The following CTNND2 variants were observed in gnomAD, a reference collection of about 807,000 sequenced individuals.
The protein encoded by CTNND2 is catenin delta 2.
In CTNND2, 22 loss-of-function variants were observed where a neutral mutation model predicts 144.4. The ratio of observed to expected loss-of-function variants is 0.15; its 90% CI spans 0.11 to 0.22. CTNND2 has a LOEUF of 0.22. CTNND2 is among the 10% of genes least tolerant of loss of function. The probability of loss-of-function intolerance (pLI) is 1.00; values close to 1 mark genes in which losing one functional copy is unlikely to be tolerated. For synonymous variants in CTNND2, 751 were observed against 695.6 expected, an observed-to-expected ratio of 1.08 and a Z score of -1.25; for missense variants, 1,353 against 1,618.8, an observed-to-expected ratio of 0.84 and a Z score of 2.82.
chr5:11,300,089 C>T (rs1321654165), intron 9 of CTNND2, among the ~76,000 whole-genome samples: 2 of 152,188 alleles, frequency 1.3e-5, no homozygotes, highest in Non-Finnish European at 2.9e-5. Flanking sequence ...TGCAGGGACT[C>T]CATTTCAGGA....
intron 9 of CTNND2, among the ~76,000 whole-genome samples, chr5:11,324,261 A>C (rs989886969): frequency 1.3e-5 from 2 of 152,166 alleles, no homozygotes; most frequent in African/African-American, 4.8e-5. Flanking sequence ...ACGAGCCAAA[A>C]CAATTAGAAA....
At chr5:11,607,052 T>C (rs10065375) in intron 2 of CTNND2, among the ~76,000 whole-genome samples, 75,437 of 152,028 alleles carry the variant, frequency 0.5, 19,563 homozygotes, top group Middle Eastern at 0.7. Context: ...AAGAATGTTA[T>C]ATGAAGATGA....
intron 3 of CTNND2, among the ~76,000 whole-genome samples, chr5:11,426,153 T>C (rs1219408291): frequency 6.6e-6 from 1 of 152,182 alleles, no homozygotes; most frequent in Non-Finnish European, 1.5e-5. Flanking sequence ...TCTCCTCCAC[T>C]ACCAAACCGC....
intron 10 of CTNND2, among the ~76,000 whole-genome samples, chr5:11,205,964 T>C (rs1386304790): frequency 1.3e-5 from 2 of 152,210 alleles, no homozygotes; most frequent in African/African-American, 4.8e-5. Context: ...ATGAACAAAG[T>C]GTGAACCTAC....
chr5:11,868,386 C>A (rs926009595), intron 1 of CTNND2, among the ~76,000 whole-genome samples: 6 of 152,114 alleles, frequency 3.9e-5, no homozygotes, highest in Admixed American at 3.9e-4. Flanking sequence ...AGGTATGAAA[C>A]CCACTGAAAG....
At chr5:11,504,053 T>C (rs1033221501) in intron 3 of CTNND2, among the ~76,000 whole-genome samples, 3 of 152,232 alleles carry the variant, frequency 2.0e-5, no homozygotes, top group Non-Finnish European at 2.9e-5. Context: ...GTACAAAACA[T>C]AGAGAGTGCT....
chr5:11,588,856 A>T (rs1421176201), intron 2 of CTNND2: 1 of 985,414 alleles, frequency 1.0e-6, no homozygotes, highest in East Asian at 1.1e-4. Flanking sequence ...GCTGTGGAGC[A>T]GGCGGTTCCT....
intron 3 of CTNND2, among the ~76,000 whole-genome samples, chr5:11,484,383 T>C (rs183906821): frequency 1.3e-5 from 2 of 152,346 alleles, no homozygotes; most frequent in African/African-American, 2.4e-5. Context: ...ATGTGGGTTG[T>C]ATTTGATGTC....
At chr5:11,343,817 A>G (rs2149735478) in intron 9 of CTNND2, among the ~76,000 whole-genome samples, 1 of 152,338 alleles carries the variant, frequency 6.6e-6, no homozygotes, top group South Asian at 2.1e-4. Flanking sequence ...TATGTTTATA[A>G]TGATAAAGAG....
At chr5:11,125,548 G>C (rs1412266237) in intron 12 of CTNND2, among the ~76,000 whole-genome samples, 2 of 152,172 alleles carry the variant, frequency 1.3e-5, no homozygotes, top group African/African-American at 4.8e-5. Context: ...CGCCGGGCTG[G>C]TTTCTTCTCA....
At chr5:11,203,125 C>A (rs887975914) in intron 10 of CTNND2, among the ~76,000 whole-genome samples, 1 of 152,258 alleles carries the variant, frequency 6.6e-6, no homozygotes, top group South Asian at 2.1e-4. Flanking sequence ...ATTTCTTGCA[C>A]CCAATCCATC....
intron 18 of CTNND2, among the ~76,000 whole-genome samples, chr5:11,017,771 C>T (rs546949146): frequency 6.6e-5 from 10 of 152,032 alleles, no homozygotes; most frequent in Admixed American, 5.9e-4. Flanking sequence ...CCTGTGAGCA[C>T]AGGTCTGTCC....
chr5:11,033,808 C>A (rs967662543), intron 16 of CTNND2, among the ~76,000 whole-genome samples: 1 of 151,680 alleles, frequency 6.6e-6, no homozygotes, highest in African/African-American at 2.4e-5. Context: ...CCAGCCCAGG[C>A]AACAGAGTAC....
At chr5:11,167,713 TC>T (rs1321642498) in intron 11 of CTNND2, among the ~76,000 whole-genome samples, 33 of 150,710 alleles carry the variant, frequency 2.2e-4, no homozygotes, top group African/African-American at 2.9e-4. Flanking sequence ...TTTTTTTTTT[TC>T]AGACAGAGTC....
intron 1 of CTNND2, among the ~76,000 whole-genome samples, chr5:11,807,256 T>C (rs1792053666): frequency 6.6e-6 from 1 of 152,308 alleles, no homozygotes; most frequent in Non-Finnish European, 1.5e-5. Context: ...GTTACTCCCA[T>C]ATCTCTAAAT....
intron 1 of CTNND2, among the ~76,000 whole-genome samples, chr5:11,830,695 G>A (rs548217939): frequency 4.8e-4 from 73 of 152,264 alleles, no homozygotes; most frequent in African/African-American, 1.7e-3. Flanking sequence ...CCAGAGGAAG[G>A]CATTGAGAGG....
intron 7 of CTNND2, among the ~76,000 whole-genome samples, chr5:11,372,003 CTT>C (rs1290304292): frequency 3.3e-5 from 5 of 152,156 alleles, no homozygotes; most frequent in Non-Finnish European, 5.9e-5. Flanking sequence ...CTTATACTAA[CTT>C]AGTACAGCTT....
intron 1 of CTNND2, among the ~76,000 whole-genome samples, chr5:11,867,874 A>G (rs1264181601): frequency 1.3e-5 from 2 of 151,422 alleles, no homozygotes; most frequent in Non-Finnish European, 2.9e-5. Flanking sequence ...GAAAAACAGA[A>G]ACAGTGTAAG....
intron 3 of CTNND2, among the ~76,000 whole-genome samples, chr5:11,501,215 TC>T (rs1474973867): frequency 3.9e-5 from 6 of 152,234 alleles, no homozygotes; most frequent in Non-Finnish European, 5.9e-5. Context: ...GTTGTTGTCC[TC>T]AACAGACTTA....
Sources: allele counts gnomAD v4.1 joint callset (sites outside exome capture counted in the v4.1 genomes callset), GRCh38; gene constraint gnomAD v4.1.1; transcripts MANE v1.5; gene names NCBI Gene and HGNC (gene_info 2026-07-23, HGNC 2026-07-21).